Variants in TSGA10 observed in about 807,000 individuals in gnomAD.
The protein encoded by TSGA10 is testis specific 10, also known as testis-specific gene 10 protein.
Under a neutral mutation model 96.6 loss-of-function variants are expected in TSGA10, and 43 were observed. That is an observed-to-expected ratio of 0.44 (90% CI 0.35 to 0.57). TSGA10 has a LOEUF of 0.57. Ranked by LOEUF, TSGA10 falls within the 20% of genes least tolerant of loss-of-function variation. The pLI, the probability that TSGA10 is intolerant of heterozygous loss-of-function variation, is 0.01. For synonymous variants in TSGA10, 229 were observed against 269.9 expected (o/e 0.85, Z 1.48); for missense variants, 703 against 834.4 (o/e 0.84, Z 1.94).
In TSGA10 at chr2:99,105,623, A is replaced by C; in HGVS notation, c.285T>G (p.His95Gln). The change falls in exon 8 of 21, where the codon CAT becomes CAG. Residue 95 changes from histidine to glutamine, a missense_variant. Transcript: ENST00000393483. The stretch of plus-strand genomic sequence containing the variant: ...CAGTCTCCACTCGCCGGAGAATAGC[A>C]TGTGCCGTTGTTGATTTAGGACTCT... ...SCKSPKSTTAHAILRRVETER... is the reference protein window; with the variant it reads ...SCKSPKSTTAQAILRRVETER... 6.2e-7 allele frequency: 1 copy of C among 1,609,422 alleles called. No homozygotes were observed. The highest frequency in any genetic ancestry group is 8.5e-7 in the Non-Finnish European group (1 of 1,175,994).
At chr2:99,047,843 T>A (rs1204472114) in intron 16 of TSGA10, among the ~76,000 whole-genome samples, 2 of 152,162 alleles carry the variant, frequency 1.3e-5, no homozygotes, top group Non-Finnish European at 2.9e-5. Flanking sequence ...GCCCAAAATC[T>A]CCTTAAGCTG....
At position 99,117,562 on chromosome 2, in the gene TSGA10, C is replaced by G; in HGVS notation, c.-158G>C. 1.0e-6 allele frequency: 1 copy of G among 985,776 alleles called. No homozygotes were observed. Among genetic ancestry groups the G allele is most frequent in the Non-Finnish European group, 1.2e-6 (1 of 829,902 alleles). 61.1% of individuals were successfully genotyped at this position (985,776 alleles called of 1,614,324 possible). On this transcript the variant is annotated 5_prime_UTR_variant, in exon 4 of 21. Coordinates refer to ENST00000393483, the MANE Select transcript of TSGA10 (RefSeq NM_025244.4). ...CTGGTACCTTGGCTTCTTCAAGTTC[C>G]TTGTTGGCGGAATCCACCACAAAAT...
chr2:99,115,732 T>C (rs1236240160), intron 4 of TSGA10, among the ~76,000 whole-genome samples: 3 of 151,832 alleles, frequency 2.0e-5, no homozygotes, highest in Non-Finnish European at 4.4e-5. Flanking sequence ...ATATGAAAAT[T>C]AGATGGGTGT....
intron 16 of TSGA10, among the ~76,000 whole-genome samples, chr2:99,042,275 G>A (rs180999768): frequency 1.3e-5 from 2 of 152,220 alleles, no homozygotes; most frequent in East Asian, 3.9e-4. Context: ...GTGCTGGGGC[G>A]CAGGTCTTAT....
At chr2:99,118,525 T>C in intron 3 of TSGA10, 26 bp downstream of exon 3, 1 of 958,680 alleles carries the variant, frequency 1.0e-6, no homozygotes, top group Non-Finnish European at 1.2e-6. Context: ...TTTTAAAAAG[T>C]CCTTTTGAAA....
At position 99,065,010 on chromosome 2, in the gene TSGA10, G is replaced by A. The variant is rs760144999; in HGVS notation, c.1333C>T (p.Leu445Phe). The change falls in exon 16 of 21, where the codon CTT becomes TTT. Residue 445 changes from leucine (L) to phenylalanine (F), a missense_variant. This residue lies in a region of TSGA10 where 585 missense variants were observed against 656.8 expected (regional missense o/e 0.89). Coordinates refer to ENST00000393483, the MANE Select transcript of TSGA10 (RefSeq NM_025244.4). The stretch of plus-strand genomic sequence containing the variant: ...TTACCCTCTGCCTCAGCAGTGATAA[G>A]TTCCAGTTTGAGGGTATTGTTATCT... ...EADNNTLKLE[L>F]ITAEAEGNRL... The A allele has an allele frequency of 6.2e-7, 1 of 1,613,732 alleles. No individual in the cohort carries two copies.
chr2:99,119,028 A>G (rs1257057487), intron 2 of TSGA10, among the ~76,000 whole-genome samples: 1 of 152,176 alleles, frequency 6.6e-6, no homozygotes. Flanking sequence ...TCAGTCTGTA[A>G]GGAGCATCTG....
At position 99,109,393 on chromosome 2, in the gene TSGA10, G is replaced by A; in HGVS notation, c.47C>T (p.Ala16Val). The A allele has an allele frequency of 6.2e-7, 1 of 1,613,930 alleles. No homozygotes were observed. The highest frequency in any genetic ancestry group is 1.3e-5 in the African/African-American group (1 of 75,040). ...SKSPRRPSPT[A>V]RGANCDVELL... is the part of the protein sequence containing the mutation. Reference sequence around the variant, plus strand: ...TTGTAAGTTTATAAAACCTACCCGGGCAGTTGGTGATGGGCGTCTTGGACT... The same window carrying A: ...TTGTAAGTTTATAAAACCTACCCGGACAGTTGGTGATGGGCGTCTTGGACT... Residue 16 changes from alanine to valine, a missense_variant, in exon 6 of 21, where the codon GCC (alanine) becomes GTC (valine). Ala to Val is a moderately conservative substitution (Grantham distance 64, BLOSUM62 0). This residue lies in a region of TSGA10 where 585 missense variants were observed against 656.8 expected (regional missense o/e 0.89). Coordinates refer to ENST00000393483, the MANE Select transcript of TSGA10 (RefSeq NM_025244.4).
chr2:99,144,649 C>CAAAAAAGAA (rs2093613510), intron 1 of TSGA10, among the ~76,000 whole-genome samples: 1 of 52,272 alleles, frequency 1.9e-5, no homozygotes, highest in African/African-American at 7.1e-5. Context: ...AACTCTGTCT[C>CAAAAAAGAA]AAAAAAAAAA....
intron 20 of TSGA10, among the ~76,000 whole-genome samples, chr2:99,012,588 A>T (rs1254712642): frequency 6.6e-6 from 1 of 152,198 alleles, no homozygotes; most frequent in East Asian, 1.9e-4. Context: ...AAAAAGAGGG[A>T]CATTATATAA....
At chr2:99,106,299 C>G (rs2091326400) in intron 7 of TSGA10, among the ~76,000 whole-genome samples, 1 of 152,106 alleles carries the variant, frequency 6.6e-6, no homozygotes, top group African/African-American at 2.4e-5. Context: ...TCTCCAAGCC[C>G]CAAAGGAAAA....
intron 14 of TSGA10, among the ~76,000 whole-genome samples, chr2:99,070,137 G>T (rs1044922848): frequency 6.6e-6 from 1 of 152,098 alleles, no homozygotes; most frequent in African/African-American, 2.4e-5. Context: ...GTTTTCTTCT[G>T]ATTATAAAAA....
chr2:99,132,463 C>T (rs1303114302), intron 1 of TSGA10, among the ~76,000 whole-genome samples: 2 of 151,860 alleles, frequency 1.3e-5, no homozygotes, highest in Non-Finnish European at 2.9e-5. Flanking sequence ...TCTGTGGGAT[C>T]AGTGGTAATA....
rs547405821 is a variant in TSGA10 at position 99,018,260 on chromosome 2, T to C, written c.2012A>G (p.His671Arg). The change falls in exon 20 of 21, where the codon CAT (histidine) becomes CGT (arginine). Residue 671 changes from histidine (H) to arginine (R), a missense_variant. This residue lies in a region of TSGA10 where 69 missense variants were observed against 81.3 expected (regional missense o/e 0.85). Transcript: ENST00000393483. ...SSTMKPNTKC[H>R]SPERAHHRSP... ...TCGATGGTGAGCACGTTCTGGTGAA[T>C]GACATTTTGTATTTGGCTTCATTGT... 3 of 1,614,146 alleles carry C rather than the reference T, an allele frequency of 1.9e-6. No homozygotes were observed. The highest frequency in any genetic ancestry group is 2.7e-5 in the African/African-American group (2 of 75,044).
At chr2:99,047,029 G>GACAAA (rs2082849597) in intron 16 of TSGA10, among the ~76,000 whole-genome samples, 7 of 152,180 alleles carry the variant, frequency 4.6e-5, no homozygotes, top group Non-Finnish European at 1.0e-4. Flanking sequence ...TCAGGAAGAA[G>GACAAA]TTGAATCCCT....
At chr2:99,151,579 C>G (rs1223636231) in intron 1 of TSGA10, 1 of 150,152 alleles carries the variant, frequency 6.7e-6, no homozygotes, top group African/African-American at 2.5e-5. Flanking sequence ...CTTTATGATA[C>G]TTTACTTTCT....
intron 7 of TSGA10, among the ~76,000 whole-genome samples, chr2:99,106,555 A>G (rs926895338): frequency 4.3e-4 from 12 of 27,778 alleles, no homozygotes; most frequent in African/African-American, 9.2e-4. Context: ...CGACACATTA[A>G]AAAAAAAAAG....
chr2:99,074,886 T>C (rs549088210), intron 12 of TSGA10, among the ~76,000 whole-genome samples: 1 of 150,956 alleles, frequency 6.6e-6, no homozygotes, highest in Non-Finnish European at 1.5e-5. Context: ...TGAACTCGGG[T>C]GGCGAGGGTT....
At chr2:99,144,146 G>T (rs1297742396) in intron 1 of TSGA10, among the ~76,000 whole-genome samples, 1 of 151,938 alleles carries the variant, frequency 6.6e-6, no homozygotes, top group Non-Finnish European at 1.5e-5. Flanking sequence ...TCAGCCTCCC[G>T]AGCAGCTGGG....
Sources: allele counts gnomAD v4.1 joint callset (sites outside exome capture counted in the v4.1 genomes callset), GRCh38; gene constraint gnomAD v4.1.1; regional missense constraint gnomAD v4.1.1; transcripts MANE v1.5; gene names NCBI Gene and HGNC (gene_info 2026-07-23, HGNC 2026-07-21).